Variants in EML6 observed in about 807,000 individuals in gnomAD.
EML6 encodes the protein echinoderm microtubule-associated protein-like 6.
A neutral mutation model predicts 240.1 loss-of-function variants in EML6; 154 were observed. The observed-to-expected ratio is 0.64, with a 90% confidence interval of 0.56 to 0.73. The LOEUF is 0.73. Among genes scored for constraint, EML6 ranks in the 30% least tolerant of loss-of-function variants. The pLI, the probability that EML6 is intolerant of heterozygous loss-of-function variation, is 0.00. For missense variants in EML6, 2,964 were observed against 2,474.6 expected (o/e 1.20, Z -4.20); for synonymous variants, 1,148 against 899.0 (o/e 1.28, Z -4.95).
In EML6 at chr2:54,827,739, A is replaced by G. The variant is rs1429686750; in HGVS notation, c.699A>G (p.Gln233=). ...WKGLNLVRTI[Q]GAHSAGIFSM... ...GGCTCAATTTAGTCCGCACCATTCA[A>G]GGAGCACATAGTGTAAGTATTACCT... Residue 233 remains glutamine (Q), a synonymous_variant, in exon 6 of 42, where the codon CAA becomes CAG. Coordinates refer to ENST00000356458, the MANE Select transcript of EML6 (RefSeq NM_001039753.4). The G allele has an allele frequency of 2.6e-6, 4 of 1,551,292 alleles. No individual in the cohort carries two copies. The highest frequency in any genetic ancestry group is 3.3e-4 in the Middle Eastern group (2 of 5,984).
At chr2:54,782,138 TCTAA>T (rs375588310) in intron 2 of EML6, among the ~76,000 whole-genome samples, 11 of 152,354 alleles carry the variant, frequency 7.2e-5, no homozygotes, top group African/African-American at 2.4e-4. Flanking sequence ...AAGTCTATGT[TCTAA>T]CTAAGTTTTA....
rs926536942 is a variant in EML6, at chr2:54,970,717, C to T, written c.*622C>T. 6.5e-6 allele frequency: 1 copy of T among 152,966 alleles called. No individual in the cohort carries two copies. The highest frequency in any genetic ancestry group is 2.4e-5 in the African/African-American group (1 of 41,450). The allele number at this position is 152,966 out of a possible 1,614,324, so 9.5% of individuals were successfully genotyped here. A position where few individuals can be genotyped will look rare whatever the true frequency, so the allele number is the denominator to read the frequency against. On this transcript the variant is annotated 3_prime_UTR_variant, in exon 42 of 42. Coordinates refer to ENST00000356458, the MANE Select transcript of EML6 (RefSeq NM_001039753.4). ...AGTTTCCAGTTGTGTGGGCTGCTGT[C>T]TCACCTCCCACCAATTTCTCCTTTC...
At chr2:54,783,491 T>C (rs772587509) in intron 2 of EML6, among the ~76,000 whole-genome samples, 2 of 152,224 alleles carry the variant, frequency 1.3e-5, no homozygotes, top group Non-Finnish European at 2.9e-5. Context: ...AAAGCTGTAG[T>C]TGATTTTAGA....
At chr2:54,793,434 A>G (rs1375787251) in intron 2 of EML6, among the ~76,000 whole-genome samples, 1 of 138,586 alleles carries the variant, frequency 7.2e-6, no homozygotes, top group African/African-American at 2.7e-5. Flanking sequence ...TACTTTTGAC[A>G]ATCCCTGTTT....
At chr2:54,919,724 A>C (rs2104340471) in intron 26 of EML6, among the ~76,000 whole-genome samples, 1 of 152,312 alleles carries the variant, frequency 6.6e-6, no homozygotes, top group South Asian at 2.1e-4. Flanking sequence ...TTAGATAACT[A>C]AATCCCCCAC....
At chr2:54,768,743 T>A (rs1382941889) in intron 2 of EML6, among the ~76,000 whole-genome samples, 6 of 152,206 alleles carry the variant, frequency 3.9e-5, no homozygotes, top group African/African-American at 1.4e-4. Context: ...GATTACAACA[T>A]CTCTGAAGCT....
chr2:54,831,432 T>C (rs544706406), intron 7 of EML6, among the ~76,000 whole-genome samples: 1 of 151,968 alleles, frequency 6.6e-6, no homozygotes, highest in African/African-American at 2.4e-5. Context: ...TGAATGAGGA[T>C]CTGTGTAACC....
intron 26 of EML6, among the ~76,000 whole-genome samples, chr2:54,917,695 C>T (rs72795405): frequency 0.013 from 1,929 of 152,228 alleles, 18 homozygotes; most frequent in Non-Finnish European, 0.021. Context: ...ACCTTCTGAA[C>T]CATCATTAAA....
At position 54,960,306 on chromosome 2, in the gene EML6, AGT is replaced by A; in HGVS notation, c.4946_4947del (p.Val1649AlafsTer21). 1 of 1,550,950 alleles carries A rather than the reference AGT, an allele frequency of 6.4e-7. No individual in the cohort carries two copies. Among genetic ancestry groups the A allele is most frequent in the Non-Finnish European group, 8.7e-7 (1 of 1,146,846 alleles). Reference sequence around the variant, plus strand: ...CAGCTGGAGACCGGGCAGCTGGTGGAGTGTGTGCGCTCCGTGTGCCGTGGAAA... The same window carrying A: ...CAGCTGGAGACCGGGCAGCTGGTGGAGTGTGCGCTCCGTGTGCCGTGGAAA... On this transcript the variant is annotated frameshift_variant, in exon 35 of 42. Coordinates refer to ENST00000356458, the MANE Select transcript of EML6 (RefSeq NM_001039753.4). LOFTEE classifies it high-confidence loss of function.
At chr2:54,894,088 G>A (rs1418775749) in intron 19 of EML6, among the ~76,000 whole-genome samples, 1 of 151,584 alleles carries the variant, frequency 6.6e-6, no homozygotes, top group Non-Finnish European at 1.5e-5. Flanking sequence ...TTCTATATAA[G>A]AATAAGGATA....
Position 54,844,098 on chromosome 2 carries a change from C to A in EML6, c.899C>A (p.Thr300Asn). The A allele has an allele frequency of 6.4e-7, 1 of 1,551,402 alleles. No individual in the cohort carries two copies. The highest frequency in any genetic ancestry group is 8.7e-7 in the Non-Finnish European group (1 of 1,146,928). ...CWKADRLLAG[T>N]QDSEIFEVIV... is the part of the protein sequence containing the mutation. ...AAAGCAGACCGCCTTCTAGCAGGGA[C>A]CCAGGACAGTGAGATATTTGAAGTG... is the stretch of plus-strand genomic sequence containing the variant. Residue 300 changes from threonine (T) to asparagine (N), a missense_variant, in exon 8 of 42, where the codon ACC (threonine) becomes AAC (asparagine). Thr to Asn is a moderately conservative substitution (Grantham distance 65, BLOSUM62 0). Transcript: ENST00000356458.
Position 54,923,364 on chromosome 2 carries a change from AACGCACAC to A in EML6, c.3676-4946_3676-4939del, listed in dbSNP as rs1291857460. On this transcript the variant is annotated intron_variant, in intron 26 of 41. Transcript: ENST00000356458. ...GAGTAGATCCTAAGTGTCCTCACCA[AACGCACAC>A]ACACACACACACACACACACACACA... is the stretch of plus-strand genomic sequence containing the variant. Among the ~76,000 whole-genome samples, 18 of 52,962 alleles carry A rather than the reference AACGCACAC, an allele frequency of 3.4e-4. 1 individual carries two copies. The highest frequency in any genetic ancestry group is 1.3e-3 in the African/African-American group (18 of 14,018). 34.7% of individuals were successfully genotyped at this position (52,962 alleles called of 152,430 possible).
chr2:54,900,573 C>T lies in EML6; in HGVS notation c.3124+791C>T, dbSNP rs376107102. Among the ~76,000 whole-genome samples, 117 of 152,304 alleles carry T rather than the reference C, an allele frequency of 7.7e-4. 4 individuals are homozygous for T. The South Asian group carries it at 0.023, about 30-fold the overall frequency. ...TATGAGAGCCACATGAGATGGCAGC[C>T]TGAGAGAAGCCACGACTGATAGCAG... On this transcript the variant is annotated intron_variant, in intron 22 of 41. Transcript: ENST00000356458.
intron 24 of EML6, among the ~76,000 whole-genome samples, chr2:54,907,431 C>A (rs530943609): frequency 4.6e-5 from 7 of 152,112 alleles, no homozygotes; most frequent in Admixed American, 3.9e-4. Flanking sequence ...TCGCTTGAAC[C>A]GGGAGGCAGA....
At chr2:54,941,029 A>G (rs1212701213) in intron 28 of EML6, among the ~76,000 whole-genome samples, 1 of 152,176 alleles carries the variant, frequency 6.6e-6, no homozygotes, top group Non-Finnish European at 1.5e-5. Flanking sequence ...TCACCAAATC[A>G]CCGTATATAA....
At chr2:54,746,115 C>G (rs957866749) in intron 2 of EML6, among the ~76,000 whole-genome samples, 1 of 152,102 alleles carries the variant, frequency 6.6e-6, no homozygotes, top group South Asian at 2.1e-4. Flanking sequence ...GGGGCAGAAT[C>G]CAAATTGCTA....
intron 38 of EML6, among the ~76,000 whole-genome samples, chr2:54,965,824 C>T (rs766744063): frequency 2.0e-5 from 3 of 152,336 alleles, no homozygotes; most frequent in Admixed American, 2.0e-4. Flanking sequence ...TACATGACTC[C>T]TAAACCATAA....
chr2:54,971,720 C>T lies in EML6; in HGVS notation c.*1625C>T, dbSNP rs150500955. 96 of 152,342 alleles carry T rather than the reference C, an allele frequency of 6.3e-4. No homozygotes were observed. Among genetic ancestry groups the T allele is most frequent in the African/African-American group, 2.3e-3 (94 of 41,572 alleles). 9.4% of individuals were successfully genotyped at this position (152,342 alleles called of 1,614,324 possible). A position where few individuals can be genotyped will look rare whatever the true frequency, so the allele number is the denominator to read the frequency against. On this transcript the variant is annotated 3_prime_UTR_variant, in exon 42 of 42. Coordinates refer to ENST00000356458, the MANE Select transcript of EML6 (RefSeq NM_001039753.4). The stretch of plus-strand genomic sequence containing the variant: ...TGGTGATGCAGAGTGATAACCATGT[C>T]TGCCTATCTTGTACTAGACTCTTCA...
At chr2:54,910,384 C>G (rs190666161) in intron 24 of EML6, among the ~76,000 whole-genome samples, 1 of 152,256 alleles carries the variant, frequency 6.6e-6, no homozygotes, top group Admixed American at 6.5e-5. Context: ...CTATTTTTGC[C>G]CAACATTTTC....
Sources: allele counts gnomAD v4.1 joint callset (sites outside exome capture counted in the v4.1 genomes callset), GRCh38; gene constraint gnomAD v4.1.1; transcripts MANE v1.5; gene names NCBI Gene and HGNC (gene_info 2026-07-23, HGNC 2026-07-21).